GPC6: variants seen among roughly 807,000 people sequenced by gnomAD.
GPC6 encodes glypican 6.
A neutral mutation model predicts 55.2 loss-of-function variants in GPC6; 14 were observed. The ratio of observed to expected loss-of-function variants is 0.25; its 90% CI spans 0.17 to 0.40. GPC6 has a LOEUF of 0.40. Among genes scored for constraint, GPC6 ranks in the 10% least tolerant of loss-of-function variants. GPC6 has a pLI of 1.00. For missense variants in GPC6, 641 were observed against 708.5 expected (o/e 0.90, Z 1.08); for synonymous variants, 278 against 259.6 (o/e 1.07, Z -0.68).
At chr13:93,990,203 T>C (rs1475675084) in intron 3 of GPC6, among the ~76,000 whole-genome samples, 3 of 152,040 alleles carry the variant, frequency 2.0e-5, no homozygotes, top group African/African-American at 7.2e-5. Flanking sequence ...ATTTGGATTA[T>C]GTTATTCAGA....
At chr13:93,598,008 G>A (rs915939241) in intron 2 of GPC6, among the ~76,000 whole-genome samples, 1 of 152,084 alleles carries the variant, frequency 6.6e-6, no homozygotes, top group African/African-American at 2.4e-5. Context: ...TCTTGGTGCG[G>A]TGTTGCACAC....
chr13:93,902,626 G>A (rs187852767), intron 3 of GPC6, among the ~76,000 whole-genome samples: 31 of 152,198 alleles, frequency 2.0e-4, no homozygotes, highest in Admixed American at 5.2e-4. Context: ...TTGAGGAAAC[G>A]TCATCCTGTT....
At chr13:94,125,118 A>G (rs188573582) in intron 4 of GPC6, among the ~76,000 whole-genome samples, 227 of 152,288 alleles carry the variant, frequency 1.5e-3, no homozygotes, top group South Asian at 3.3e-3. Context: ...TGTCTCTGAT[A>G]AGTAAATTAC....
At chr13:93,724,151 G>C (rs1237147268) in intron 2 of GPC6, among the ~76,000 whole-genome samples, 1 of 151,754 alleles carries the variant, frequency 6.6e-6, no homozygotes, top group Non-Finnish European at 1.5e-5. Context: ...GATGGTACTG[G>C]CCATGCTAGC....
chr13:93,329,436 T>C (rs1174919435), intron 1 of GPC6, among the ~76,000 whole-genome samples: 2 of 152,248 alleles, frequency 1.3e-5, no homozygotes, highest in African/African-American at 4.8e-5. Flanking sequence ...AGTTGGTTAC[T>C]ATGTAAACAC....
At chr13:93,637,708 A>G (rs576771190) in intron 2 of GPC6, among the ~76,000 whole-genome samples, 11 of 152,248 alleles carry the variant, frequency 7.2e-5, no homozygotes, top group East Asian at 5.8e-4. Flanking sequence ...TAGGCAGTCT[A>G]TCTATGAATA....
intron 3 of GPC6, among the ~76,000 whole-genome samples, chr13:93,952,034 C>T (rs746740306): frequency 1.3e-5 from 2 of 152,046 alleles, no homozygotes; most frequent in Non-Finnish European, 2.9e-5. Context: ...AGTGTAGGTA[C>T]CTTAGAATAT....
At chr13:94,151,423 G>A (rs915339806) in intron 4 of GPC6, among the ~76,000 whole-genome samples, 2 of 152,114 alleles carry the variant, frequency 1.3e-5, no homozygotes, top group Admixed American at 6.6e-5. Context: ...CTATGCTGTT[G>A]TTATGTTTTC....
intron 2 of GPC6, among the ~76,000 whole-genome samples, chr13:93,746,347 A>G (rs954463725): frequency 6.6e-6 from 1 of 152,184 alleles, no homozygotes; most frequent in African/African-American, 2.4e-5. Flanking sequence ...TTATTCTGGA[A>G]GCTTATGTCG....
At chr13:93,360,848 T>C (rs1368110720) in intron 1 of GPC6, among the ~76,000 whole-genome samples, 1 of 152,148 alleles carries the variant, frequency 6.6e-6, no homozygotes. Flanking sequence ...AAAATCTATG[T>C]TTGCAGGCAG....
At chr13:93,548,668 C>T (rs1020117999) in intron 2 of GPC6, among the ~76,000 whole-genome samples, 42 of 152,048 alleles carry the variant, frequency 2.8e-4, no homozygotes, top group African/African-American at 8.9e-4. Flanking sequence ...TATAAATACT[C>T]ATCGGATGGT....
chr13:93,269,956 T>C (rs1016454571), intron 1 of GPC6, among the ~76,000 whole-genome samples: 1 of 144,630 alleles, frequency 6.9e-6, no homozygotes, highest in Non-Finnish European at 1.5e-5. Flanking sequence ...AAAAGAGATA[T>C]GAGTAAGTTT....
intron 4 of GPC6, among the ~76,000 whole-genome samples, chr13:94,053,385 G>A (rs566133207): frequency 3.0e-3 from 459 of 152,306 alleles, no homozygotes; most frequent in Non-Finnish European, 6.1e-3. Flanking sequence ...GACTAGGGTT[G>A]TCACCTTCCA....
Position 93,819,689 on chromosome 13 carries a change from T to A in GPC6, c.320-10465T>A, listed in dbSNP as rs1052153914. ...AGCTTAGGGTGAGATAGAAATGCAG[T>A]CCATAGGCTCAAAGCAGTTGTTTGC... On this transcript the variant is annotated intron_variant, in intron 2 of 8. Coordinates refer to ENST00000377047, the MANE Select transcript of GPC6 (RefSeq NM_005708.5). 2.6e-5 allele frequency among the ~76,000 whole-genome samples: 4 copies of A among 152,176 alleles called. No individual in the cohort carries two copies. The East Asian group carries it at 7.7e-4, about 29-fold the overall frequency.
intron 2 of GPC6, among the ~76,000 whole-genome samples, chr13:93,800,336 G>A (rs571063106): frequency 6.6e-6 from 1 of 152,324 alleles, no homozygotes; most frequent in Non-Finnish European, 1.5e-5. Flanking sequence ...GGGCAAAGCT[G>A]AATATAGAGT....
intron 1 of GPC6, among the ~76,000 whole-genome samples, chr13:93,446,903 A>G (rs1878025433): frequency 6.6e-6 from 1 of 152,182 alleles, no homozygotes; most frequent in Admixed American, 6.5e-5. Context: ...AAAATAAAAA[A>G]AGAATTTTTA....
At chr13:94,057,781 C>G (rs1205791165) in intron 4 of GPC6, among the ~76,000 whole-genome samples, 1 of 152,076 alleles carries the variant, frequency 6.6e-6, no homozygotes, top group East Asian at 1.9e-4. Flanking sequence ...CCAAGTGCTT[C>G]TAAGAGAGCA....
In GPC6 at chr13:94,231,905, C is replaced by T. The variant is rs566491291; in HGVS notation, c.878-54444C>T. On this transcript the variant is annotated intron_variant, in intron 4 of 8. Coordinates refer to ENST00000377047, the MANE Select transcript of GPC6 (RefSeq NM_005708.5). ...TAATAAAAATTTTTAAAAAGTTTTT[C>T]GACTCTTTTATTCTGATCAAAAAAG... Among the ~76,000 whole-genome samples the T allele has an allele frequency of 2.4e-4, 36 of 152,006 alleles. 1 individual carries two copies. In the South Asian group the frequency reaches 7.3e-3, roughly 31 times the overall value.
chr13:94,236,334 C>T (rs1305113900), intron 4 of GPC6, among the ~76,000 whole-genome samples: 1 of 149,556 alleles, frequency 6.7e-6, no homozygotes, highest in African/African-American at 2.5e-5. Flanking sequence ...CTGTAATCAG[C>T]AGGAACTTTG....
Sources: allele counts gnomAD v4.1 joint callset (sites outside exome capture counted in the v4.1 genomes callset), GRCh38; gene constraint gnomAD v4.1.1; transcripts MANE v1.5; gene names NCBI Gene and HGNC (gene_info 2026-07-23, HGNC 2026-07-21).